Variants in NSD2 observed in about 807,000 individuals in gnomAD.
The protein encoded by NSD2 is nuclear receptor binding SET domain protein 2, also known as histone-lysine N-methyltransferase NSD2.
A neutral mutation model predicts 139.0 loss-of-function variants in NSD2; 12 were observed. The ratio of observed to expected loss-of-function variants is 0.09; its 90% CI spans 0.06 to 0.14. The LOEUF (loss-of-function observed/expected upper bound fraction) is 0.14. NSD2 is among the 10% of genes least tolerant of loss of function. The pLI is 1.00. For missense variants in NSD2, 1,155 were observed against 1,745.0 expected, an observed-to-expected ratio of 0.66 and a Z score of 6.02; for synonymous variants, 669 against 648.7, an observed-to-expected ratio of 1.03 and a Z score of -0.48.
intron 11 of NSD2, chr4:1,952,913 C>A (rs1724429471): frequency 7.1e-7 from 1 of 1,402,232 alleles, no homozygotes; most frequent in Non-Finnish European, 9.2e-7. Flanking sequence ...GCCATGGCAG[C>A]CCCACAGCAG....
intron 8 of NSD2, chr4:1,939,430 T>G (rs1036049476): frequency 1.8e-6 from 1 of 564,200 alleles, no homozygotes; most frequent in Non-Finnish European, 3.1e-6. Flanking sequence ...TGGCCCCAGG[T>G]TGATGTTTTT....
intron 5 of NSD2, among the ~76,000 whole-genome samples, chr4:1,929,404 C>T (rs372090405): frequency 5.9e-5 from 9 of 152,210 alleles, no homozygotes; most frequent in East Asian, 1.9e-4. Context: ...TTACTGCCCC[C>T]GTTTCACAGA....
At chr4:1,941,981 T>G in intron 9 of NSD2, 1 of 1,090,972 alleles carries the variant, frequency 9.2e-7, no homozygotes. Flanking sequence ...AATTGCTGTT[T>G]GAGGTCCACA....
chr4:1,945,035 A>T (rs1443976706), intron 9 of NSD2: 1 of 1,065,936 alleles, frequency 9.4e-7, no homozygotes, highest in Non-Finnish European at 1.1e-6. Flanking sequence ...TGATGTGCAG[A>T]GTCCTTGGAC....
At chr4:1,872,633 A>AGAGAGAGAGAGAGAGAGAGCGAGC (rs1203166315) in intron 1 of NSD2, among the ~76,000 whole-genome samples, 1 of 131,036 alleles carries the variant, frequency 7.6e-6, no homozygotes, top group East Asian at 2.2e-4. Context: ...AGAGAGAGAG[A>AGAGAGAGAGAGAGAGAGAGCGAGC]GAGCGCGCAG....
chr4:1,881,720 A>ATTT (rs767322037), intron 1 of NSD2, among the ~76,000 whole-genome samples: 4 of 152,164 alleles, frequency 2.6e-5, no homozygotes, highest in Non-Finnish European at 5.9e-5. Context: ...TTCTCTCCAC[A>ATTT]TTTATATGTG....
At chr4:1,927,959 A>G (rs1721154479) in intron 5 of NSD2, among the ~76,000 whole-genome samples, 1 of 152,052 alleles carries the variant, frequency 6.6e-6, no homozygotes, top group Admixed American at 6.6e-5. Flanking sequence ...GTGCAATCAT[A>G]GGTCACTGCA....
Position 1,980,375 on chromosome 4 carries a change from G to C in NSD2, c.*1466G>C. The C allele has an allele frequency of 4.3e-6, 1 of 233,264 alleles. No homozygotes were observed. Among genetic ancestry groups the C allele is most frequent in the Non-Finnish European group, 8.5e-6 (1 of 118,050 alleles). The allele number at this position is 233,264 out of a possible 1,614,324, so 14.4% of individuals were successfully genotyped here. On this transcript the variant is annotated 3_prime_UTR_variant, in exon 22 of 22. Coordinates refer to ENST00000508803, the MANE Select transcript of NSD2 (RefSeq NM_001042424.3). ...GTCCTGAGGGGCTGCTTGTCTGGGA[G>C]GGAGGGAGAGAACATTCAGCAGCAG...
chr4:1,902,107 G>T (rs1717262882), intron 2 of NSD2, among the ~76,000 whole-genome samples: 1 of 152,150 alleles, frequency 6.6e-6, no homozygotes, highest in African/African-American at 2.4e-5. Context: ...CTTTTTAGTT[G>T]TAACTCCTTG....
intron 9 of NSD2, chr4:1,940,865 G>T (rs1343534232): frequency 9.5e-7 from 1 of 1,057,490 alleles, no homozygotes; most frequent in Non-Finnish European, 1.1e-6. Flanking sequence ...CCTGGGCGGG[G>T]CTCATAGAGC....
At chr4:1,943,988 A>T (rs985610535) in intron 9 of NSD2, 235 of 1,065,510 alleles carry the variant, frequency 2.2e-4, no homozygotes, top group South Asian at 4.5e-4. Context: ...CCTGCAAATG[A>T]CCAAATGGTG....
In NSD2 at chr4:1,978,787, C is replaced by T. The variant is rs1280330106; in HGVS notation, c.3976C>T (p.His1326Tyr). 6.2e-7 allele frequency: 1 copy of T among 1,613,724 alleles called. No individual in the cohort carries two copies. Among genetic ancestry groups the T allele is most frequent in the Non-Finnish European group, 8.5e-7 (1 of 1,179,720 alleles). ...TPDGRSYCCEHDLGAASVRST... is the reference protein window; with the variant it reads ...TPDGRSYCCEYDLGAASVRST... ...GGACGGGCGGTCCTACTGCTGTGAG[C>T]ATGACTTAGGGGCGGCATCGGTCAG... The change falls in exon 22 of 22, where the codon CAT (histidine) becomes TAT (tyrosine). Residue 1326 changes from histidine (H) to tyrosine (Y), a missense_variant. Physicochemically the swap from His to Tyr is moderately conservative, Grantham distance 83. This residue lies in a region of NSD2 where 132 missense variants were observed against 94.3 expected (regional missense o/e 1.40). Transcript: ENST00000508803.
At chr4:1,939,914 T>C (rs975333572) in intron 9 of NSD2, 136 bp downstream of exon 9, 26 of 1,530,550 alleles carry the variant, frequency 1.7e-5, no homozygotes, top group Non-Finnish European at 2.2e-5. Flanking sequence ...TTTTAGGGCC[T>C]CTTGGCTAAC....
Position 1,948,955 on chromosome 4 carries a change from C to A in NSD2, c.1882-2117C>A. ...TAGCGCTGGGGCTCTCTCCCCTGAG[C>A]CATGCAGAAGGCCCCTTTCTCTGGG... On this transcript the variant is annotated intron_variant, in intron 9 of 21. Coordinates refer to ENST00000508803, the MANE Select transcript of NSD2 (RefSeq NM_001042424.3). The surrounding 1 kb of genome is among the most constrained non-coding windows in gnomAD (Gnocchi z 4.5). 2.9e-6 allele frequency: 1 copy of A among 344,188 alleles called. No homozygotes were observed. The highest frequency in any genetic ancestry group is 4.2e-6 in the Non-Finnish European group (1 of 237,122). The allele number at this position is 344,188 out of a possible 1,614,324, so 21.3% of individuals were successfully genotyped here.
At position 1,980,423 on chromosome 4, in the gene NSD2, T is replaced by G. The variant is rs955426365; in HGVS notation, c.*1514T>G. ...CAGGTGCTTTTTTATGGCCTTTTCT[T>G]AAAATAACCTAAGGGGGACACATCC... On this transcript the variant is annotated 3_prime_UTR_variant, in exon 22 of 22. Transcript: ENST00000508803. 4.3e-6 allele frequency: 1 copy of G among 233,050 alleles called. No individual in the cohort carries two copies. Among genetic ancestry groups the G allele is most frequent in the Non-Finnish European group, 8.5e-6 (1 of 117,996 alleles). The allele number at this position is 233,050 out of a possible 1,614,324, so 14.4% of individuals were successfully genotyped here. A position where few individuals can be genotyped will look rare whatever the true frequency, so the allele number is the denominator to read the frequency against.
chr4:1,943,770 G>A, intron 9 of NSD2: 1 of 1,060,160 alleles, frequency 9.4e-7, no homozygotes, highest in Non-Finnish European at 1.1e-6. Context: ...AAAAAAGATG[G>A]TATAAAAATG....
At chr4:1,977,760 C>G (rs1384876006) in intron 21 of NSD2, among the ~76,000 whole-genome samples, 1 of 150,624 alleles carries the variant, frequency 6.6e-6, no homozygotes, top group Non-Finnish European at 1.5e-5. Context: ...CCATTGCACT[C>G]CAGCCTGGGC....
chr4:1,957,950 G>A lies in NSD2; in HGVS notation c.2899G>A (p.Ala967Thr), dbSNP rs746260679. The A allele has an allele frequency of 1.2e-6, 2 of 1,614,196 alleles. No homozygotes were observed. The highest frequency in any genetic ancestry group is 2.2e-5 in the South Asian group (2 of 91,080). ...CTTTTTAGCACTGCAAGAAGCTGAA[G>A]CTCGTTTTCGTGAAATTAAGCTTCA... ...VFKNALQEAE[A>T]RFREIKLQRE... is the part of the protein sequence containing the mutation. Residue 967 changes from alanine (A) to threonine (T), a missense_variant, in exon 16 of 22, where the codon GCT becomes ACT. Physicochemically the swap from Ala to Thr is moderately conservative, Grantham distance 58. Transcript: ENST00000508803.
Position 1,955,900 on chromosome 4 carries a change from T to C in NSD2, c.2675+51T>C. On this transcript the variant is annotated intron_variant, in intron 14 of 21. Coordinates refer to ENST00000508803, the MANE Select transcript of NSD2 (RefSeq NM_001042424.3). The surrounding 1 kb of genome is among the most constrained non-coding windows in gnomAD (Gnocchi z 4.7). ...TTATGTCTTTTCTGTTCACATGTGT[T>C]CGCTTTACAGTACTTAAAGTATTGA... 2.5e-6 allele frequency: 4 copies of C among 1,610,232 alleles called. No homozygotes were observed. Among genetic ancestry groups the C allele is most frequent in the Non-Finnish European group, 3.4e-6 (4 of 1,176,946 alleles).
Sources: allele counts gnomAD v4.1 joint callset (sites outside exome capture counted in the v4.1 genomes callset), GRCh38; gene constraint gnomAD v4.1.1; regional missense constraint gnomAD v4.1.1; non-coding constraint Gnocchi (gnomAD v3.1); transcripts MANE v1.5; gene names NCBI Gene and HGNC (gene_info 2026-07-23, HGNC 2026-07-21).